FRMD3: variants seen among roughly 807,000 people sequenced by gnomAD.
FRMD3 encodes FERM domain-containing protein 3.
In FRMD3, 33 loss-of-function variants were observed where a neutral mutation model predicts 70.2. The ratio of observed to expected loss-of-function variants is 0.47; its 90% CI spans 0.36 to 0.63. The LOEUF (loss-of-function observed/expected upper bound fraction) is 0.63, where lower values mean the gene tolerates loss of function less well. Ranked by LOEUF, FRMD3 falls within the 20% of genes least tolerant of loss-of-function variation. FRMD3 has a pLI of 0.00. For synonymous variants in FRMD3, 279 were observed against 255.9 expected, an observed-to-expected ratio of 1.09 and a Z score of -0.86; for missense variants, 632 against 711.4, an observed-to-expected ratio of 0.89 and a Z score of 1.27.
intron 10 of FRMD3, among the ~76,000 whole-genome samples, chr9:83,300,326 A>G (rs1156915466): frequency 1.3e-5 from 2 of 152,228 alleles, no homozygotes; most frequent in Non-Finnish European, 2.9e-5. Context: ...GGTGTTAACC[A>G]GGGCACGGTG....
At chr9:83,277,333 T>C (rs1435070062) in intron 13 of FRMD3, among the ~76,000 whole-genome samples, 1 of 152,214 alleles carries the variant, frequency 6.6e-6, no homozygotes, top group African/African-American at 2.4e-5. Context: ...ATTTTATTTG[T>C]GTTTTTGTAT....
At chr9:83,296,134 T>C (rs922760009) in intron 12 of FRMD3, among the ~76,000 whole-genome samples, 1 of 152,208 alleles carries the variant, frequency 6.6e-6, no homozygotes, top group Non-Finnish European at 1.5e-5. Flanking sequence ...TATTACTACA[T>C]TCTCACTTTT....
At chr9:83,382,773 T>C (rs1219684908) in intron 2 of FRMD3, among the ~76,000 whole-genome samples, 4 of 152,136 alleles carry the variant, frequency 2.6e-5, no homozygotes, top group African/African-American at 9.7e-5. Flanking sequence ...TCTCCTTTGC[T>C]GGTTTTGAAT....
At chr9:83,307,447 G>C (rs890358040) in intron 10 of FRMD3, among the ~76,000 whole-genome samples, 4 of 152,138 alleles carry the variant, frequency 2.6e-5, no homozygotes, top group Admixed American at 2.6e-4. Flanking sequence ...AACCAAATGT[G>C]GTCTATTGAA....
chr9:83,446,547 T>C (rs541653273), intron 1 of FRMD3, among the ~76,000 whole-genome samples: 115 of 147,940 alleles, frequency 7.8e-4, no homozygotes, highest in African/African-American at 2.6e-3. Flanking sequence ...CTCGGGAGGC[T>C]GAGGCAGGAG....
At chr9:83,543,818 C>T in the FRMD3 span, among the ~76,000 whole-genome samples, 3 of 152,216 alleles carry the variant, frequency 2.0e-5, no homozygotes, top group Non-Finnish European at 4.4e-5. Flanking sequence ...GCGACATGGG[C>T]ACTGTGCTTG....
chr9:83,517,211 A>G (rs1324914219), intron 1 of FRMD3, among the ~76,000 whole-genome samples: 1 of 152,092 alleles, frequency 6.6e-6, no homozygotes, highest in Admixed American at 6.5e-5. Context: ...TCAACAAAAT[A>G]GATAGACCAC....
At chr9:83,310,976 C>T (rs1205202552) in intron 8 of FRMD3, among the ~76,000 whole-genome samples, 1 of 152,216 alleles carries the variant, frequency 6.6e-6, no homozygotes, top group Non-Finnish European at 1.5e-5. Context: ...ATCCACTGCA[C>T]TGCAAAATGT....
intron 5 of FRMD3, among the ~76,000 whole-genome samples, chr9:83,340,078 C>T (rs1823706128): frequency 6.6e-6 from 1 of 152,048 alleles, no homozygotes; most frequent in African/African-American, 2.4e-5. Context: ...TGGTGGTGCA[C>T]ACCTGTAATC....
chr9:83,479,700 G>GAAAGAAAGAAAGAAAGAA (rs1564096820), intron 1 of FRMD3, among the ~76,000 whole-genome samples: 1 of 71,140 alleles, frequency 1.4e-5, no homozygotes, highest in African/African-American at 7.4e-5. Context: ...AAGAAAGAAA[G>GAAAGAAAGAAAGAAAGAA]AAAGAAAGAA....
chr9:83,329,311 G>A (rs1034142254), intron 6 of FRMD3, among the ~76,000 whole-genome samples: 93 of 152,302 alleles, frequency 6.1e-4, no homozygotes, highest in African/African-American at 2.2e-3. Flanking sequence ...GAAGGGACTT[G>A]GGAAGGGAAA....
chr9:83,281,885 T>G (rs1462224163), intron 13 of FRMD3, among the ~76,000 whole-genome samples: 1 of 152,170 alleles, frequency 6.6e-6, no homozygotes, highest in Non-Finnish European at 1.5e-5. Context: ...ACCAAAGCCT[T>G]GCACCCTGTC....
intron 13 of FRMD3, among the ~76,000 whole-genome samples, chr9:83,250,223 G>C (rs888063416): frequency 2.6e-5 from 4 of 151,998 alleles, no homozygotes; most frequent in African/African-American, 9.7e-5. Flanking sequence ...CCCCAGCCAA[G>C]TGCAGTGTTG....
At chr9:83,260,586 A>T (rs1832938482) in intron 13 of FRMD3, among the ~76,000 whole-genome samples, 1 of 152,140 alleles carries the variant, frequency 6.6e-6, no homozygotes, top group Non-Finnish European at 1.5e-5. Context: ...TTCACTCTCA[A>T]ATAAATTTTA....
chr9:83,506,363 T>G (rs1259801367), intron 1 of FRMD3, among the ~76,000 whole-genome samples: 1 of 152,220 alleles, frequency 6.6e-6, no homozygotes, highest in Admixed American at 6.5e-5. Context: ...GCAATTTCAT[T>G]GTACAAACCC....
intron 1 of FRMD3, among the ~76,000 whole-genome samples, chr9:83,456,471 G>C (rs1366217046): frequency 6.6e-6 from 1 of 152,088 alleles, no homozygotes; most frequent in African/African-American, 2.4e-5. Context: ...AACATATTTT[G>C]GTAGCTATTA....
At chr9:83,515,962 G>A (rs1829445237) in intron 1 of FRMD3, among the ~76,000 whole-genome samples, 1 of 152,114 alleles carries the variant, frequency 6.6e-6, no homozygotes, top group African/African-American at 2.4e-5. Context: ...AAGAGCTCCT[G>A]AAGGAAGCAC....
chr9:83,541,056 G>A (rs76562773), upstream of FRMD3, among the ~76,000 whole-genome samples: 6,516 of 152,194 alleles, frequency 0.043, 213 homozygotes, highest in Non-Finnish European at 0.056. Context: ...CTTATGTAAC[G>A]AGGCTGTTCC....
chr9:83,319,672 T>G (rs2131083056), intron 6 of FRMD3, among the ~76,000 whole-genome samples: 1 of 152,312 alleles, frequency 6.6e-6, no homozygotes, highest in Admixed American at 6.5e-5. Flanking sequence ...CCATGTGTTG[T>G]GGGAGCAACC....
Sources: allele counts gnomAD v4.1 joint callset (sites outside exome capture counted in the v4.1 genomes callset), GRCh38; gene constraint gnomAD v4.1.1; transcripts MANE v1.5; gene names NCBI Gene and HGNC (gene_info 2026-07-23, HGNC 2026-07-21).